ZFAND3: variants seen among roughly 807,000 people sequenced by gnomAD.
ZFAND3 encodes the protein AN1-type zinc finger protein 3.
Under a neutral mutation model 29.6 loss-of-function variants are expected in ZFAND3, and 10 were observed. The observed-to-expected ratio is 0.34, with a 90% CI of 0.21 to 0.57. The LOEUF (loss-of-function observed/expected upper bound fraction) is 0.57. Among genes scored for constraint, ZFAND3 ranks in the 20% least tolerant of loss-of-function variants. The probability of loss-of-function intolerance (pLI) is 0.86; values close to 1 mark genes in which losing one functional copy is unlikely to be tolerated. For missense variants in ZFAND3, 230 were observed against 304.5 expected (o/e 0.76, Z 1.82); for synonymous variants, 128 against 112.6 (o/e 1.14, Z -0.87).
At chr6:37,877,611 C>T (rs966784539) in intron 1 of ZFAND3, among the ~76,000 whole-genome samples, 1 of 152,176 alleles carries the variant, frequency 6.6e-6, no homozygotes, top group Non-Finnish European at 1.5e-5. Context: ...GATGGTTTCA[C>T]TTACTGAGGT....
chr6:38,047,593 C>T (rs1418706911), intron 2 of ZFAND3, among the ~76,000 whole-genome samples: 1 of 152,170 alleles, frequency 6.6e-6, no homozygotes, highest in African/African-American at 2.4e-5. Context: ...CTCATACTTC[C>T]CTGTCCTGAT....
At chr6:37,836,803 C>G (rs1412516888) in intron 1 of ZFAND3, among the ~76,000 whole-genome samples, 2 of 152,086 alleles carry the variant, frequency 1.3e-5, no homozygotes, top group African/African-American at 4.8e-5. Flanking sequence ...TTAAAAAACT[C>G]TTGAACTTCA....
chr6:38,142,589 G>T (rs1263516917), intron 5 of ZFAND3, among the ~76,000 whole-genome samples: 1 of 152,232 alleles, frequency 6.6e-6, no homozygotes, highest in Admixed American at 6.5e-5. Context: ...TGCTGAAAGA[G>T]AAAGCCAAAC....
At position 38,031,611 on chromosome 6, in the gene ZFAND3, A is replaced by G. The variant is rs963128667; in HGVS notation, c.113-29982A>G. Among the ~76,000 whole-genome samples the G allele has an allele frequency of 2.6e-5, 4 of 152,054 alleles. No homozygotes were observed. In the East Asian group the frequency reaches 5.8e-4, roughly 22 times the overall value. On this transcript the variant is annotated intron_variant, in intron 2 of 5. Transcript: ENST00000287218. ...TTGTATCCTGACTCTATCACTTCCT[A>G]GCTTTGTGATTCTGAGCAAATTTCT...
chr6:38,118,146 G>A (rs1258477088), intron 5 of ZFAND3, among the ~76,000 whole-genome samples: 1 of 152,194 alleles, frequency 6.6e-6, no homozygotes, highest in Non-Finnish European at 1.5e-5. Flanking sequence ...GTTTTCAGAT[G>A]TCCGTGTGTT....
chr6:37,915,095 T>C (rs933983330), intron 1 of ZFAND3, among the ~76,000 whole-genome samples: 6 of 152,240 alleles, frequency 3.9e-5, no homozygotes, highest in African/African-American at 1.4e-4. Flanking sequence ...CACTTGCTGC[T>C]TCACCTTGCA....
intron 2 of ZFAND3, among the ~76,000 whole-genome samples, chr6:38,046,478 T>G (rs947151590): frequency 1.3e-5 from 2 of 152,254 alleles, no homozygotes; most frequent in Admixed American, 1.3e-4. Flanking sequence ...ATGTGTTAGT[T>G]ATACCCAATT....
intron 2 of ZFAND3, among the ~76,000 whole-genome samples, chr6:37,976,402 T>G (rs756971601): frequency 6.6e-6 from 1 of 151,714 alleles, no homozygotes; most frequent in Non-Finnish European, 1.5e-5. Context: ...ACCAACATGG[T>G]GAAACCCTGT....
chr6:37,916,632 C>G (rs1226376689), intron 1 of ZFAND3, among the ~76,000 whole-genome samples: 2 of 152,188 alleles, frequency 1.3e-5, no homozygotes. Flanking sequence ...TGTACTCTAG[C>G]CTGGTGACAG....
intron 1 of ZFAND3, among the ~76,000 whole-genome samples, chr6:37,878,887 T>C (rs1764841354): frequency 6.6e-6 from 1 of 152,176 alleles, no homozygotes; most frequent in Non-Finnish European, 1.5e-5. Flanking sequence ...CTTAAGAAGC[T>C]AGGAAAGTGT....
intron 5 of ZFAND3, among the ~76,000 whole-genome samples, chr6:38,117,372 T>C (rs1765441485): frequency 6.6e-6 from 1 of 150,746 alleles, no homozygotes; most frequent in Non-Finnish European, 1.5e-5. Flanking sequence ...AGCTTTACAG[T>C]CACCTTTCCT....
intron 4 of ZFAND3, among the ~76,000 whole-genome samples, chr6:38,086,159 C>T (rs1764752711): frequency 6.6e-6 from 1 of 152,042 alleles, no homozygotes; most frequent in Non-Finnish European, 1.5e-5. Context: ...AATGAAAGAT[C>T]AGTTTGTCTT....
At chr6:37,881,044 A>C (rs1764886266) in intron 1 of ZFAND3, among the ~76,000 whole-genome samples, 1 of 151,058 alleles carries the variant, frequency 6.6e-6, no homozygotes, top group Non-Finnish European at 1.5e-5. Context: ...GGGAAGGCTG[A>C]TTATGATAGT....
chr6:37,855,732 A>G (rs1764370054), intron 1 of ZFAND3, among the ~76,000 whole-genome samples: 1 of 152,142 alleles, frequency 6.6e-6, no homozygotes, highest in Non-Finnish European at 1.5e-5. Flanking sequence ...TCTAGGTTCC[A>G]TTTTGAAAAA....
intron 4 of ZFAND3, among the ~76,000 whole-genome samples, chr6:38,089,855 G>A (rs1478295760): frequency 6.6e-6 from 1 of 152,076 alleles, no homozygotes; most frequent in Admixed American, 6.5e-5. Flanking sequence ...GCTCTGTGAA[G>A]TTTTGTTTTT....
chr6:37,831,458 A>G (rs11759721), intron 1 of ZFAND3, among the ~76,000 whole-genome samples: 10,006 of 152,280 alleles, frequency 0.066, 391 homozygotes, highest in Non-Finnish European at 0.085. Context: ...ATGCTAGGCA[A>G]GAGATACCTT....
rs141086102 is a variant in ZFAND3 at position 38,055,547 on chromosome 6, G to A, written c.113-6046G>A. ...TGAGAAAATGAATGCAAAGCCCCTGGCAGAGTGCTTGACTCACAGGAGGCG... is the reference window on the plus strand; with the variant it reads ...TGAGAAAATGAATGCAAAGCCCCTGACAGAGTGCTTGACTCACAGGAGGCG... On this transcript the variant is annotated intron_variant, in intron 2 of 5. Coordinates refer to ENST00000287218, the MANE Select transcript of ZFAND3 (RefSeq NM_021943.3). Among the ~76,000 whole-genome samples the A allele has an allele frequency of 8.8e-4, 134 of 152,284 alleles. 1 individual carries two copies. In the East Asian group the frequency reaches 0.023, roughly 26 times the overall value.
intron 4 of ZFAND3, among the ~76,000 whole-genome samples, chr6:38,085,267 G>T (rs1452408287): frequency 6.6e-6 from 1 of 152,148 alleles, no homozygotes; most frequent in Non-Finnish European, 1.5e-5. Context: ...AGGCATAGAT[G>T]GTCAGTAAAT....
At chr6:38,092,216 A>G (rs1764888145) in intron 4 of ZFAND3, among the ~76,000 whole-genome samples, 1 of 152,218 alleles carries the variant, frequency 6.6e-6, no homozygotes, top group African/African-American at 2.4e-5. Flanking sequence ...GGAGTTGCTT[A>G]TGTGGATTAT....
Sources: gnomAD v4.1 joint callset for allele counts (sites outside exome capture counted in the v4.1 genomes callset) on GRCh38, gnomAD v4.1.1 for gene constraint, MANE v1.5 for transcripts, NCBI Gene and HGNC (gene_info 2026-07-23, HGNC 2026-07-21) for gene names.